The following SPOP variants were observed in gnomAD, a reference collection of about 807,000 sequenced individuals.
SPOP encodes the protein speckle type BTB/POZ protein.
A neutral mutation model predicts 45.6 loss-of-function variants in SPOP; 11 were observed. That is an observed-to-expected ratio of 0.24 (90% CI 0.15 to 0.40). The LOEUF (loss-of-function observed/expected upper bound fraction) is 0.40, where lower values mean the gene tolerates loss of function less well. SPOP is among the 10% of genes least tolerant of loss of function. SPOP has a pLI of 1.00. For missense variants in SPOP, 152 were observed against 465.6 expected (o/e 0.33, Z 6.20); for synonymous variants, 166 against 166.3 (o/e 1.00, Z 0.01).
intron 1 of SPOP, among the ~76,000 whole-genome samples, chr17:49,643,865 G>C (rs1488369172): frequency 6.6e-6 from 1 of 151,712 alleles, no homozygotes; most frequent in East Asian, 1.9e-4. Context: ...AGGAGGCAGA[G>C]GTTGTAGTGA....
intron 1 of SPOP, among the ~76,000 whole-genome samples, chr17:49,650,570 A>C (rs1404079580): frequency 2.0e-5 from 3 of 152,134 alleles, no homozygotes; most frequent in African/African-American, 7.2e-5. Flanking sequence ...ACAGAGCAAG[A>C]CTCCGTTTCA....
chr17:49,641,597 T>C (rs566478455), intron 1 of SPOP, among the ~76,000 whole-genome samples: 1 of 151,604 alleles, frequency 6.6e-6, no homozygotes, highest in Admixed American at 6.6e-5. Context: ...ACCCAGAATG[T>C]TTCTCCCCTT....
chr17:49,650,786 A>G (rs1236608069), intron 1 of SPOP, among the ~76,000 whole-genome samples: 1 of 152,222 alleles, frequency 6.6e-6, no homozygotes, highest in Non-Finnish European at 1.5e-5. Context: ...GAAGTTCTAA[A>G]TACTCTTTGT....
At chr17:49,659,053 G>A (rs1408007492) in intron 1 of SPOP, among the ~76,000 whole-genome samples, 1 of 152,192 alleles carries the variant, frequency 6.6e-6, no homozygotes, top group East Asian at 1.9e-4. Flanking sequence ...AGAATAGAAA[G>A]AAGGGCAGTA....
chr17:49,622,332 C>T (rs544709896), intron 2 of SPOP: 2 of 583,948 alleles, frequency 3.4e-6, no homozygotes, highest in East Asian at 7.3e-5. Context: ...AACAAAAAAC[C>T]CACCACCACC....
At chr17:49,677,610 C>G (rs767373573) in intron 1 of SPOP, among the ~76,000 whole-genome samples, 3 of 152,026 alleles carry the variant, frequency 2.0e-5, no homozygotes, top group Non-Finnish European at 4.4e-5. Context: ...CGCGTTCACA[C>G]TCGCGCATGC....
At chr17:49,638,865 T>C (rs1026477565) in intron 1 of SPOP, among the ~76,000 whole-genome samples, 1 of 152,110 alleles carries the variant, frequency 6.6e-6, no homozygotes, top group African/African-American at 2.4e-5. Context: ...TAACAAAAGT[T>C]AGCCAGGCGT....
At chr17:49,613,071 A>T (rs934012224) in intron 5 of SPOP, 1 of 152,228 alleles carries the variant, frequency 6.6e-6, no homozygotes, top group Admixed American at 6.5e-5. Flanking sequence ...TTAGTATCAC[A>T]TTTATCAGAG....
At chr17:49,631,846 T>G (rs892373732) in intron 1 of SPOP, among the ~76,000 whole-genome samples, 3 of 152,312 alleles carry the variant, frequency 2.0e-5, no homozygotes, top group South Asian at 2.1e-4. Context: ...GAAGTTATCT[T>G]CAGAGGAGTC....
intron 6 of SPOP, among the ~76,000 whole-genome samples, chr17:49,608,711 T>C (rs1415885018): frequency 1.3e-5 from 2 of 152,122 alleles, no homozygotes; most frequent in Non-Finnish European, 2.9e-5. Context: ...CGAAAAGTAA[T>C]AGAATGGCTA....
At chr17:49,630,013 AGACCAGAGAATGGTCTGTTAGG>A (rs2072420173) in intron 1 of SPOP, among the ~76,000 whole-genome samples, 1 of 152,228 alleles carries the variant, frequency 6.6e-6, no homozygotes. Flanking sequence ...GGCTGGGAAC[AGACCAGAGAATGGTCTGTTAGG>A]GACTTTTTAA....
At chr17:49,640,210 G>A (rs779596340) in intron 1 of SPOP, among the ~76,000 whole-genome samples, 5 of 151,608 alleles carry the variant, frequency 3.3e-5, no homozygotes, top group Non-Finnish European at 7.4e-5. Flanking sequence ...CCAAGATGGT[G>A]CCATTGCACT....
chr17:49,647,247 T>C (rs1367515650), intron 1 of SPOP, among the ~76,000 whole-genome samples: 1 of 139,296 alleles, frequency 7.2e-6, no homozygotes, highest in Non-Finnish European at 1.5e-5. Flanking sequence ...GGCAGAGAGG[T>C]TGCAGACAGC....
intron 1 of SPOP, among the ~76,000 whole-genome samples, chr17:49,634,226 T>G (rs1467164398): frequency 2.0e-5 from 3 of 152,172 alleles, no homozygotes; most frequent in Non-Finnish European, 2.9e-5. Context: ...AATCAACAAC[T>G]TCTCCATTCT....
At chr17:49,647,683 G>A (rs2072783168) in intron 1 of SPOP, among the ~76,000 whole-genome samples, 1 of 152,086 alleles carries the variant, frequency 6.6e-6, no homozygotes, top group Non-Finnish European at 1.5e-5. Context: ...GTTTCACAGT[G>A]TTGGCCAGGC....
intron 1 of SPOP, among the ~76,000 whole-genome samples, chr17:49,667,157 G>T (rs1197593734): frequency 7.8e-6 from 1 of 128,870 alleles, no homozygotes; most frequent in African/African-American, 2.9e-5. Context: ...CAGCCTAGGC[G>T]ACAAGAATGA....
At chr17:49,670,162 A>T (rs538577151) in intron 1 of SPOP, among the ~76,000 whole-genome samples, 1 of 152,234 alleles carries the variant, frequency 6.6e-6, no homozygotes, top group Admixed American at 6.5e-5. Context: ...ACTCCTTGCC[A>T]GTTCTATTAA....
intron 1 of SPOP, among the ~76,000 whole-genome samples, chr17:49,655,408 G>A (rs574385435): frequency 2.0e-3 from 301 of 152,164 alleles, no homozygotes; most frequent in African/African-American, 5.9e-3. Context: ...CTACTCGGGA[G>A]GCTGAGGCAG....
intron 5 of SPOP, among the ~76,000 whole-genome samples, chr17:49,618,186 C>T (rs1019641574): frequency 1.3e-5 from 2 of 152,168 alleles, no homozygotes; most frequent in Non-Finnish European, 2.9e-5. Context: ...AGTGGTTCCT[C>T]AACCTATGTG....
Sources: allele counts gnomAD v4.1 joint callset (sites outside exome capture counted in the v4.1 genomes callset), GRCh38; gene constraint gnomAD v4.1.1; transcripts MANE v1.5; gene names NCBI Gene and HGNC (gene_info 2026-07-23, HGNC 2026-07-21).